DISC1: variants seen among roughly 807,000 people sequenced by gnomAD.
DISC1 encodes DISC1 scaffold protein.
DISC1 carries 57 observed loss-of-function variants against 84.5 expected under a neutral mutation model. The observed-to-expected ratio is 0.67, with a 90% CI of 0.55 to 0.84. DISC1 has a LOEUF of 0.84. DISC1 is among the 40% of genes least tolerant of loss of function. DISC1 has a pLI of 0.00. For missense variants in DISC1, 1,000 were observed against 1,057.8 expected (o/e 0.95, Z 0.76); for synonymous variants, 411 against 415.2 (o/e 0.99, Z 0.12).
chr1:231,626,974 G>T, intron 1 of DISC1, 40 bp downstream of exon 1: 1 of 1,408,618 alleles, frequency 7.1e-7, no homozygotes, highest in Non-Finnish European at 9.3e-7. Flanking sequence ...GTCCTGGGGG[G>T]GTCCTGGCAA....
intron 9 of DISC1, among the ~76,000 whole-genome samples, chr1:231,850,117 A>G (rs1470366382): frequency 6.6e-6 from 1 of 152,206 alleles, no homozygotes; most frequent in Non-Finnish European, 1.5e-5. Flanking sequence ...GCTGGGCCCC[A>G]CCTACGGAGA....
rs887722556 is a variant in DISC1, at chr1:231,698,502, T to C, written c.1048-3453T>C. Among the ~76,000 whole-genome samples, 6 of 152,160 alleles carry C rather than the reference T, an allele frequency of 3.9e-5. 1 individual carries two copies. Among genetic ancestry groups the C allele is most frequent in the Admixed American group, 3.3e-4 (5 of 15,284 alleles). Reference sequence around the variant, plus strand: ...GAAGGACTCTGCCTGTAGAGTATTATAGGACGTTCCACAGGCAGGGTTGTG... The same window carrying C: ...GAAGGACTCTGCCTGTAGAGTATTACAGGACGTTCCACAGGCAGGGTTGTG... On this transcript the variant is annotated intron_variant, in intron 2 of 12. Transcript: ENST00000439617. The surrounding 1 kb of genome is among the most constrained non-coding windows in gnomAD (Gnocchi z 4.9).
chr1:231,695,925 T>C (rs1459192216), intron 2 of DISC1, among the ~76,000 whole-genome samples: 1 of 152,198 alleles, frequency 6.6e-6, no homozygotes, highest in Non-Finnish European at 1.5e-5. Context: ...CTCTGATTTA[T>C]TATGCAGAGA....
At position 232,037,978 on chromosome 1, in the gene DISC1, G is replaced by GCAGTGCAGTACTCAGTAACA. The variant is rs1286159050; in HGVS notation, c.*1166_*1185dup. 2.1e-5 allele frequency: 3 copies of GCAGTGCAGTACTCAGTAACA among 144,398 alleles called. No individual in the cohort carries two copies. The highest frequency in any genetic ancestry group is 4.6e-5 in the Non-Finnish European group (3 of 64,844). The allele number at this position is 144,398 out of a possible 1,614,324, so 8.9% of individuals were successfully genotyped here. A position where few individuals can be genotyped will look rare whatever the true frequency, so the allele number is the denominator to read the frequency against. On this transcript the variant is annotated 3_prime_UTR_variant, in exon 13 of 13. Coordinates refer to ENST00000439617, the MANE Select transcript of DISC1 (RefSeq NM_018662.3). ...CAGTAACAGTGCAGTACTCAGTAAG[G>GCAGTGCAGTACTCAGTAACA]CAGTGCAGTACTCAGTAACACAGTG...
rs2071272435 is a variant in DISC1, at chr1:231,729,787, A to G, written c.1118-20139A>G. On this transcript the variant is annotated intron_variant, in intron 3 of 12. Transcript: ENST00000439617. ...AAGAATTTAAGCTGTTCCTGCTGCC[A>G]TGTCATTAGCCAGAGACCAATTTTG... is the stretch of plus-strand genomic sequence containing the variant. Among the ~76,000 whole-genome samples, 3 of 148,710 alleles carry G rather than the reference A, an allele frequency of 2.0e-5. No individual in the cohort carries two copies. The South Asian group carries it at 6.3e-4, about 31-fold the overall frequency.
At chr1:231,782,207 G>A (rs575699009) in intron 6 of DISC1, among the ~76,000 whole-genome samples, 1 of 152,170 alleles carries the variant, frequency 6.6e-6, no homozygotes, top group Non-Finnish European at 1.5e-5. Flanking sequence ...TGATATTGGT[G>A]TTTGGATTCT....
At chr1:231,672,108 T>C (rs867823179) in intron 1 of DISC1, among the ~76,000 whole-genome samples, 1 of 152,238 alleles carries the variant, frequency 6.6e-6, no homozygotes, top group Non-Finnish European at 1.5e-5. Context: ...GCATCCAGAA[T>C]ATATAACTGG....
Position 231,658,633 on chromosome 1 carries a change from T to A in DISC1, c.67+31699T>A, listed in dbSNP as rs528427488. On this transcript the variant is annotated intron_variant, in intron 1 of 12. Coordinates refer to ENST00000439617, the MANE Select transcript of DISC1 (RefSeq NM_018662.3). The stretch of plus-strand genomic sequence containing the variant: ...GTGGGTTTGTCATATATGGCTCTTA[T>A]TATTTTGAGGTATGTTCCTTCAATA... Among the ~76,000 whole-genome samples, 8 of 152,300 alleles carry A rather than the reference T, an allele frequency of 5.3e-5. No homozygotes were observed. In the South Asian group the frequency reaches 1.7e-3, roughly 32 times the overall value.
At chr1:231,955,182 C>T (rs902066148) in intron 9 of DISC1, among the ~76,000 whole-genome samples, 3 of 152,166 alleles carry the variant, frequency 2.0e-5, no homozygotes, top group African/African-American at 7.2e-5. Context: ...TGGCGCGTTG[C>T]GTACGATCAG....
At chr1:231,819,240 A>G (rs1276924711) in intron 9 of DISC1, 1 of 751,012 alleles carries the variant, frequency 1.3e-6, no homozygotes, top group Non-Finnish European at 1.6e-6. Flanking sequence ...AAATGGCTAT[A>G]TTTTACAAAG....
intron 1 of DISC1, among the ~76,000 whole-genome samples, chr1:231,671,841 T>C (rs529956993): frequency 6.6e-6 from 1 of 152,344 alleles, no homozygotes; most frequent in East Asian, 1.9e-4. Context: ...AGGAGGTTAG[T>C]AATAGCACTG....
chr1:231,648,870 T>C (rs1022514655), intron 1 of DISC1, among the ~76,000 whole-genome samples: 2 of 152,226 alleles, frequency 1.3e-5, no homozygotes, highest in African/African-American at 2.4e-5. Context: ...CATTCTCTGA[T>C]AGTAGTTTGT....
chr1:231,785,876 T>C (rs888201197), intron 6 of DISC1, among the ~76,000 whole-genome samples: 3 of 152,162 alleles, frequency 2.0e-5, no homozygotes, highest in Non-Finnish European at 4.4e-5. Flanking sequence ...CGGACAACTG[T>C]CTGCAGGGAG....
intron 10 of DISC1, among the ~76,000 whole-genome samples, chr1:231,965,436 C>T (rs947130762): frequency 1.3e-5 from 2 of 152,254 alleles, no homozygotes; most frequent in African/African-American, 2.4e-5. Flanking sequence ...AGAGGCTTTC[C>T]TCTGCATTCC....
At chr1:231,821,420 T>A (rs1390943444) in intron 9 of DISC1, among the ~76,000 whole-genome samples, 1 of 152,194 alleles carries the variant, frequency 6.6e-6, no homozygotes, top group Non-Finnish European at 1.5e-5. Flanking sequence ...GAGACAGACC[T>A]CATCACCGAA....
At chr1:231,846,212 G>A (rs566472569) in intron 9 of DISC1, among the ~76,000 whole-genome samples, 44 of 152,304 alleles carry the variant, frequency 2.9e-4, no homozygotes, top group Admixed American at 7.2e-4. Context: ...GTCACTGTTA[G>A]GGCAGAGAGG....
chr1:231,867,412 T>C (rs933313981), intron 9 of DISC1, among the ~76,000 whole-genome samples: 3 of 152,122 alleles, frequency 2.0e-5, no homozygotes, highest in Admixed American at 6.5e-5. Context: ...AGCTAGACCC[T>C]GGAGGCTGTA....
chr1:231,956,704 G>T (rs1659567873), intron 9 of DISC1, among the ~76,000 whole-genome samples: 1 of 152,078 alleles, frequency 6.6e-6, no homozygotes, highest in African/African-American at 2.4e-5. Context: ...ATTCAGACAG[G>T]GTATAGTGGG....
intron 8 of DISC1, among the ~76,000 whole-genome samples, chr1:231,801,278 A>G (rs1261371200): frequency 6.7e-6 from 1 of 149,560 alleles, no homozygotes; most frequent in East Asian, 2.0e-4. Context: ...ATTTGCTGAG[A>G]GAAAAAAAAA....
Sources: allele counts gnomAD v4.1 joint callset (sites outside exome capture counted in the v4.1 genomes callset), GRCh38; gene constraint gnomAD v4.1.1; non-coding constraint Gnocchi (gnomAD v3.1); transcripts MANE v1.5; gene names NCBI Gene and HGNC (gene_info 2026-07-23, HGNC 2026-07-21).